SLC8A3: variants seen among roughly 807,000 people sequenced by gnomAD.
SLC8A3 encodes the protein sodium/calcium exchanger 3.
A neutral mutation model predicts 65.4 loss-of-function variants in SLC8A3; 37 were observed. The ratio of observed to expected loss-of-function variants is 0.57; its 90% confidence interval spans 0.44 to 0.74. The LOEUF is 0.74. SLC8A3 is among the 30% of genes least tolerant of loss of function. SLC8A3 has a pLI of 0.00. For missense variants in SLC8A3, 1,112 were observed against 1,172.1 expected, an observed-to-expected ratio of 0.95 and a Z score of 0.75; for synonymous variants, 461 against 444.5, an observed-to-expected ratio of 1.04 and a Z score of -0.47.
intron 2 of SLC8A3, among the ~76,000 whole-genome samples, chr14:70,091,824 G>T (rs187541854): frequency 2.0e-5 from 3 of 152,204 alleles, no homozygotes; most frequent in African/African-American, 4.8e-5. Flanking sequence ...GGATTATTTT[G>T]CTCATCTCAC....
intron 2 of SLC8A3, among the ~76,000 whole-genome samples, chr14:70,153,905 C>T (rs1345271092): frequency 6.6e-6 from 1 of 152,190 alleles, no homozygotes; most frequent in Non-Finnish European, 1.5e-5. Context: ...GAGCCAGCCT[C>T]GCCCTGTTAC....
chr14:70,061,437 TTCTTTATG>T (rs1224835435), intron 2 of SLC8A3, among the ~76,000 whole-genome samples: 1 of 152,106 alleles, frequency 6.6e-6, no homozygotes, highest in East Asian at 1.9e-4. Flanking sequence ...CTTGTGTCCC[TTCTTTATG>T]TCTATACTCA....
At chr14:70,050,420 G>A (rs115111259) in intron 5 of SLC8A3, among the ~76,000 whole-genome samples, 451 of 152,248 alleles carry the variant, frequency 3.0e-3, no homozygotes, top group African/African-American at 0.01. Context: ...GATGGTGGTT[G>A]GGAGACCTTT....
At chr14:70,117,307 C>T (rs1232035640) in intron 2 of SLC8A3, among the ~76,000 whole-genome samples, 5 of 152,232 alleles carry the variant, frequency 3.3e-5, no homozygotes, top group Non-Finnish European at 7.3e-5. Context: ...CACTTGGAGA[C>T]ATTTCTGAAG....
At chr14:70,132,286 C>G (rs1894888950) in intron 2 of SLC8A3, among the ~76,000 whole-genome samples, 1 of 152,208 alleles carries the variant, frequency 6.6e-6, no homozygotes, top group Non-Finnish European at 1.5e-5. Flanking sequence ...AATGCTGCAG[C>G]CTTCACTGTA....
At chr14:70,064,812 G>A (rs1889232463) in intron 2 of SLC8A3, among the ~76,000 whole-genome samples, 1 of 152,148 alleles carries the variant, frequency 6.6e-6, no homozygotes, top group African/African-American at 2.4e-5. Flanking sequence ...AAAAATACAT[G>A]CCAATTTTAG....
chr14:70,095,029 C>G (rs1892068048), intron 2 of SLC8A3, among the ~76,000 whole-genome samples: 2 of 152,244 alleles, frequency 1.3e-5, no homozygotes, highest in African/African-American at 4.8e-5. Flanking sequence ...TGCTTACCCT[C>G]TGAGCCTCCA....
intron 2 of SLC8A3, among the ~76,000 whole-genome samples, chr14:70,150,253 G>A (rs1462271179): frequency 6.6e-6 from 1 of 152,148 alleles, no homozygotes; most frequent in African/African-American, 2.4e-5. Context: ...TATAAGGTAG[G>A]TGCTATTATT....
intron 2 of SLC8A3, among the ~76,000 whole-genome samples, chr14:70,101,993 T>C (rs564317915): frequency 6.6e-6 from 1 of 152,296 alleles, no homozygotes; most frequent in East Asian, 1.9e-4. Flanking sequence ...TTCCTAAACA[T>C]CAAATATTGA....
chr14:70,097,286 TAA>T lies in SLC8A3; in HGVS notation c.1785-36349_1785-36348del, dbSNP rs5809459. On this transcript the variant is annotated intron_variant, in intron 2 of 6. Coordinates refer to ENST00000356921, the MANE Select transcript of SLC8A3 (RefSeq NM_182932.3). Reference sequence around the variant, plus strand: ...CCACCCTCAGAAAAGCATTTTCCTTTAAAAAAAAAAAAAAAACACCTCTTTGA... The same window carrying T: ...CCACCCTCAGAAAAGCATTTTCCTTTAAAAAAAAAAAAAACACCTCTTTGA... Among the ~76,000 whole-genome samples the T allele has an allele frequency of 5.7e-3, 826 of 145,634 alleles. 5 individuals carry two copies. The highest frequency in any genetic ancestry group is 0.015 in the East Asian group (77 of 4,974).
chr14:70,100,376 T>G (rs988893262), intron 2 of SLC8A3, among the ~76,000 whole-genome samples: 1 of 152,196 alleles, frequency 6.6e-6, no homozygotes, highest in South Asian at 2.1e-4. Context: ...TCACTTCTAC[T>G]TAGGGACAAC....
intron 2 of SLC8A3, among the ~76,000 whole-genome samples, chr14:70,108,379 G>A (rs552610731): frequency 8.2e-5 from 11 of 133,678 alleles, no homozygotes; most frequent in Non-Finnish European, 1.1e-4. Flanking sequence ...CAGCCTGGGC[G>A]ACAAAGCAAG....
At chr14:70,117,439 C>T (rs1279038161) in intron 2 of SLC8A3, among the ~76,000 whole-genome samples, 1 of 152,198 alleles carries the variant, frequency 6.6e-6, no homozygotes, top group Non-Finnish European at 1.5e-5. Flanking sequence ...GGTATGGAGC[C>T]TTAGGGCTTA....
At chr14:70,141,150 A>G (rs914834177) in intron 2 of SLC8A3, among the ~76,000 whole-genome samples, 6 of 152,200 alleles carry the variant, frequency 3.9e-5, no homozygotes, top group Admixed American at 1.3e-4. Context: ...GCATTCTCTC[A>G]CAGACTCCTT....
At chr14:70,051,672 T>G (rs1485253005) in intron 4 of SLC8A3, among the ~76,000 whole-genome samples, 1 of 152,214 alleles carries the variant, frequency 6.6e-6, no homozygotes, top group African/African-American at 2.4e-5. Context: ...TGTTAATATA[T>G]CTTGCCCTGT....
At chr14:70,148,558 G>C (rs17107846) in intron 2 of SLC8A3, among the ~76,000 whole-genome samples, 1 of 152,156 alleles carries the variant, frequency 6.6e-6, no homozygotes, top group Non-Finnish European at 1.5e-5. Context: ...AAACATGGGG[G>C]TGTGAGCCAG....
intron 2 of SLC8A3, among the ~76,000 whole-genome samples, chr14:70,137,893 T>C (rs116141637): frequency 1.3e-3 from 195 of 151,372 alleles, no homozygotes; most frequent in African/African-American, 4.5e-3. Flanking sequence ...GAACGATGGA[T>C]GACTTAGCAT....
At chr14:70,049,782 G>A (rs983132926) in intron 5 of SLC8A3, among the ~76,000 whole-genome samples, 2 of 152,184 alleles carry the variant, frequency 1.3e-5, no homozygotes, top group African/African-American at 4.8e-5. Context: ...TTGTGGTTCT[G>A]GTCATTATCT....
chr14:70,048,316 A>G (rs73292509), intron 6 of SLC8A3: 7,160 of 336,588 alleles, frequency 0.021, 273 homozygotes, highest in African/African-American at 0.087. Context: ...AACCTCTCAG[A>G]GATCGCCAGA....
Sources: gnomAD v4.1 joint callset for allele counts (sites outside exome capture counted in the v4.1 genomes callset) on GRCh38, gnomAD v4.1.1 for gene constraint, MANE v1.5 for transcripts, NCBI Gene and HGNC (gene_info 2026-07-23, HGNC 2026-07-21) for gene names.